The following PUS7L variants were observed in gnomAD, a reference collection of about 807,000 sequenced individuals.
PUS7L encodes pseudouridylate synthase PUS7L.
In PUS7L, 49 loss-of-function variants were observed where a neutral mutation model predicts 51.1. The observed-to-expected ratio is 0.96, with a 90% CI of 0.76 to 1.22. The LOEUF (loss-of-function observed/expected upper bound fraction) is 1.22. Among genes scored for constraint, PUS7L ranks in the 50% most tolerant of loss-of-function variants. The pLI, the probability that PUS7L is intolerant of heterozygous loss-of-function variation, is 0.00. For synonymous variants in PUS7L, 277 were observed against 276.2 expected (o/e 1.00, Z -0.03); for missense variants, 828 against 820.6 (o/e 1.01, Z -0.11).
intron 7 of PUS7L, among the ~76,000 whole-genome samples, chr12:43,734,309 C>T (rs1426075250): frequency 2.6e-5 from 4 of 151,998 alleles, no homozygotes; most frequent in Admixed American, 6.6e-5. Flanking sequence ...AATAATCTTG[C>T]CACCAAAGGT....
intron 1 of PUS7L, 59 bp downstream of exon 1, chr12:43,758,661 CCCCCCACACA>C: frequency 1.1e-5 from 8 of 753,552 alleles, no homozygotes; most frequent in Non-Finnish European, 1.1e-5. Context: ...GTCACCCCCC[CCCCCCACACA>C]CACACACACA....
chr12:43,750,326 T>C (rs1814675443), intron 2 of PUS7L, among the ~76,000 whole-genome samples: 1 of 152,228 alleles, frequency 6.6e-6, no homozygotes, highest in Admixed American at 6.5e-5. Flanking sequence ...AATCTGTATC[T>C]ACATAAAAGT....
At chr12:43,738,511 T>G in intron 5 of PUS7L, 120 bp from the exon 6 acceptor site, 1 of 614,496 alleles carries the variant, frequency 1.6e-6, no homozygotes, top group Non-Finnish European at 2.9e-6. Flanking sequence ...TACTTGATGC[T>G]GCAATTTTCT....
intron 2 of PUS7L, among the ~76,000 whole-genome samples, chr12:43,749,928 C>CT (rs1938362455): frequency 6.6e-6 from 1 of 152,158 alleles, no homozygotes; most frequent in African/African-American, 2.4e-5. Context: ...GGCTGAAAAA[C>CT]TACCTGTTGG....
rs1944423942 is a variant in PUS7L, at chr12:43,723,794, C to T, written c.*6582G>A. 6.6e-6 allele frequency: 1 copy of T among 151,978 alleles called. No homozygotes were observed. The highest frequency in any genetic ancestry group is 6.5e-5 in the Admixed American group (1 of 15,268). The allele number at this position is 151,978 out of a possible 1,614,324, so 9.4% of individuals were successfully genotyped here. A position where few individuals can be genotyped will look rare whatever the true frequency, so the allele number is the denominator to read the frequency against. The stretch of plus-strand genomic sequence containing the variant: ...GATTAAAACAGTACTATAAGAGAAT[C>T]TTTCTGAAACTAGAAAGCAAAATCT... On this transcript the variant is annotated 3_prime_UTR_variant, in exon 9 of 9. Coordinates refer to ENST00000344862, the MANE Select transcript of PUS7L (RefSeq NM_031292.5).
chr12:43,741,241 T>C (rs1392016307), intron 5 of PUS7L, among the ~76,000 whole-genome samples: 3 of 152,130 alleles, frequency 2.0e-5, no homozygotes, highest in African/African-American at 7.3e-5. Flanking sequence ...ATTTGAACAA[T>C]TGTTAAGAAA....
At chr12:43,757,074 GT>G (rs1023257933) in intron 1 of PUS7L, among the ~76,000 whole-genome samples, 1 of 152,146 alleles carries the variant, frequency 6.6e-6, no homozygotes, top group Non-Finnish European at 1.5e-5. Flanking sequence ...TGTTCCTGTT[GT>G]TTAAATTGTT....
Position 43,721,354 on chromosome 12 carries a change from T to A in PUS7L, c.*9022A>T, listed in dbSNP as rs542483463. On this transcript the variant is annotated 3_prime_UTR_variant, in exon 9 of 9. Transcript: ENST00000344862. ...CTAAATTTTAAATCAAATTCTACAA[T>A]GCATTTAATATTTCAATAAAAGGCA... The A allele has an allele frequency of 1.3e-5, 2 of 152,264 alleles. No homozygotes were observed. Among genetic ancestry groups the A allele is most frequent in the South Asian group, 4.1e-4 (2 of 4,834 alleles). 9.4% of individuals were successfully genotyped at this position (152,264 alleles called of 1,614,324 possible). A position where few individuals can be genotyped will look rare whatever the true frequency, so the allele number is the denominator to read the frequency against.
rs1007057703 is a variant in PUS7L at position 43,745,933 on chromosome 12, T to C, written c.1263+113A>G. The C allele has an allele frequency of 9.1e-6, 5 of 549,614 alleles. No homozygotes were observed. The African/African-American group carries it at 1.0e-4, about 11-fold the overall frequency. 34.0% of individuals were successfully genotyped at this position (549,614 alleles called of 1,614,324 possible). A position where few individuals can be genotyped will look rare whatever the true frequency, so the allele number is the denominator to read the frequency against. ...ACTTTAGAAAATAATTAATCACTTTTAAAAATCCCATAAAAAGGTACAAAA... is the reference window on the plus strand; with the variant it reads ...ACTTTAGAAAATAATTAATCACTTTCAAAAATCCCATAAAAAGGTACAAAA... On this transcript the variant is annotated intron_variant, in intron 4 of 8. Coordinates refer to ENST00000344862, the MANE Select transcript of PUS7L (RefSeq NM_031292.5).
At chr12:43,753,944 T>C (rs755485706) in intron 2 of PUS7L, among the ~76,000 whole-genome samples, 4 of 152,160 alleles carry the variant, frequency 2.6e-5, no homozygotes, top group Non-Finnish European at 5.9e-5. Context: ...CCAAGCACAG[T>C]AAATATATTC....
intron 6 of PUS7L, 42 bp downstream of exon 6, chr12:43,738,268 T>C: frequency 1.0e-6 from 1 of 963,522 alleles, no homozygotes; most frequent in Non-Finnish European, 1.7e-6. Context: ...AGTGTGTATC[T>C]GTATCTGCAT....
At chr12:43,741,134 T>A (rs1303135922) in intron 5 of PUS7L, 4 of 152,190 alleles carry the variant, frequency 2.6e-5, no homozygotes, top group Non-Finnish European at 5.9e-5. Context: ...CAAAATTTTT[T>A]AAAAATTCAA....
At chr12:43,738,183 T>C (rs546279727) in intron 6 of PUS7L, 127 bp downstream of exon 6, 241 of 648,926 alleles carry the variant, frequency 3.7e-4, no homozygotes, top group Non-Finnish European at 6.0e-4. Context: ...AAGTGTTCAG[T>C]ATGTAATATA....
At chr12:43,736,921 C>T (rs1162721758) in intron 6 of PUS7L, among the ~76,000 whole-genome samples, 1 of 149,004 alleles carries the variant, frequency 6.7e-6, no homozygotes, top group East Asian at 1.9e-4. Flanking sequence ...AAGTCCCTTA[C>T]TTCAGAATAG....
intron 4 of PUS7L, among the ~76,000 whole-genome samples, chr12:43,745,032 T>C (rs1490378674): frequency 6.6e-6 from 1 of 152,226 alleles, no homozygotes. Context: ...AAAGTTTTAT[T>C]GGAACACAGC....
In PUS7L at chr12:43,720,016, T is replaced by A. The variant is rs1002018047; in HGVS notation, c.*10360A>T. The A allele has an allele frequency of 1.3e-5, 2 of 152,192 alleles. No homozygotes were observed. Among genetic ancestry groups the A allele is most frequent in the African/African-American group, 4.8e-5 (2 of 41,444 alleles). 9.4% of individuals were successfully genotyped at this position (152,192 alleles called of 1,614,324 possible). A position where few individuals can be genotyped will look rare whatever the true frequency, so the allele number is the denominator to read the frequency against. On this transcript the variant is annotated 3_prime_UTR_variant, in exon 9 of 9. Transcript: ENST00000344862. ...ACTTGATGTCATTTTCCTAACTTCT[T>A]TAGATGGGTGCATAGCTACATAATG...
rs560802168 is a variant in PUS7L, at chr12:43,754,381, T to C, written c.865A>G (p.Lys289Glu). 9.3e-6 allele frequency: 15 copies of C among 1,609,564 alleles called. 1 individual carries two copies. In the South Asian group the frequency reaches 1.3e-4, roughly 14 times the overall value. ...TCTTGGCATTCAGAAAGAGGCCTTT[T>C]CCCACGTTTGTGTGCTTTTTCCCGA... ...RFREKAHKRG[K>E]RPLSECQEGK... Residue 289 changes from lysine (K) to glutamate (E), a missense_variant, in exon 2 of 9, where the codon AAA becomes GAA. Transcript: ENST00000344862.
intron 1 of PUS7L, chr12:43,758,268 T>C (rs1938941387): frequency 2.1e-6 from 2 of 968,524 alleles, no homozygotes; most frequent in Admixed American, 6.2e-5. Flanking sequence ...AGCATCCTGG[T>C]AGAAGAGTGG....
intron 4 of PUS7L, among the ~76,000 whole-genome samples, chr12:43,743,711 C>T (rs764646314): frequency 5.9e-5 from 9 of 151,524 alleles, no homozygotes; most frequent in Non-Finnish European, 8.8e-5. Context: ...TGCAGTGAGC[C>T]GAGATCGTGC....
Sources: allele counts gnomAD v4.1 joint callset (sites outside exome capture counted in the v4.1 genomes callset), GRCh38; gene constraint gnomAD v4.1.1; transcripts MANE v1.5; gene names NCBI Gene and HGNC (gene_info 2026-07-23, HGNC 2026-07-21).